Variants in WDR59 observed in about 807,000 individuals in gnomAD.
The protein encoded by WDR59 is WD repeat domain 59.
In WDR59, 100 loss-of-function variants were observed where a neutral mutation model predicts 131.2. The observed-to-expected ratio is 0.76, with a 90% confidence interval of 0.65 to 0.90. The LOEUF (loss-of-function observed/expected upper bound fraction) is 0.90, where lower values mean the gene tolerates loss of function less well. WDR59 is among the 40% of genes least tolerant of loss of function. The pLI is 0.00. For missense variants in WDR59, 1,203 were observed against 1,262.2 expected (o/e 0.95, Z 0.71); for synonymous variants, 601 against 466.2 (o/e 1.29, Z -3.72).
chr16:74,945,393 C>T (rs758417083), intron 6 of WDR59, among the ~76,000 whole-genome samples: 17 of 151,678 alleles, frequency 1.1e-4, no homozygotes, highest in Admixed American at 7.9e-4. Flanking sequence ...AGGAGAATGG[C>T]GAGAACCTGG....
chr16:74,937,298 A>T lies in WDR59; in HGVS notation c.651+852T>A, dbSNP rs564200305. Among the ~76,000 whole-genome samples, 32 of 152,236 alleles carry T rather than the reference A, an allele frequency of 2.1e-4. 1 individual carries two copies. The highest frequency in any genetic ancestry group is 3.8e-4 in the Non-Finnish European group (26 of 68,038). On this transcript the variant is annotated intron_variant, in intron 8 of 25. Transcript: ENST00000262144. The stretch of plus-strand genomic sequence containing the variant: ...TCCTGTAAGTTAGAGAATCACTAAT[A>T]AAATGACTCTATCCCTGAACTGTGA...
chr16:74,976,434 T>C (rs1049633638), intron 1 of WDR59, among the ~76,000 whole-genome samples: 4 of 151,650 alleles, frequency 2.6e-5, no homozygotes, highest in Non-Finnish European at 5.9e-5. Context: ...TTTTTCTTTT[T>C]CTTTTCTTTT....
In WDR59 at chr16:74,946,614, C is replaced by T. The variant is rs138177838; in HGVS notation, c.445+1905G>A. Among the ~76,000 whole-genome samples the T allele has an allele frequency of 1.7e-3, 261 of 152,002 alleles. 1 individual carries two copies. The highest frequency in any genetic ancestry group is 6.1e-3 in the African/African-American group (254 of 41,478). Reference sequence around the variant, plus strand: ...GTGCGCACCTGTAATCCCAGCTACTCGGGAGGCGGAGGTGGGAGAAACGCT... The same window carrying T: ...GTGCGCACCTGTAATCCCAGCTACTTGGGAGGCGGAGGTGGGAGAAACGCT... On this transcript the variant is annotated intron_variant, in intron 6 of 25. Coordinates refer to ENST00000262144, the MANE Select transcript of WDR59 (RefSeq NM_030581.4).
At chr16:74,905,332 GC>G (rs1965747117) in intron 17 of WDR59, among the ~76,000 whole-genome samples, 1 of 150,170 alleles carries the variant, frequency 6.7e-6, no homozygotes, top group African/African-American at 2.5e-5. Flanking sequence ...CTGAGATTGC[GC>G]CATTGCACTC....
chr16:74,924,465 C>G (rs535493803), intron 8 of WDR59, among the ~76,000 whole-genome samples: 1 of 152,004 alleles, frequency 6.6e-6, no homozygotes. Flanking sequence ...AATGTAGAGG[C>G]TATATAAAGA....
intron 8 of WDR59, among the ~76,000 whole-genome samples, chr16:74,924,872 C>T (rs2145016901): frequency 6.6e-6 from 1 of 152,260 alleles, no homozygotes; most frequent in Admixed American, 6.5e-5. Context: ...CCTCCCACCT[C>T]GGCCTCCCAA....
intron 10 of WDR59, 107 bp from the exon 11 acceptor site, chr16:74,918,115 T>A (rs1209858730): frequency 7.6e-6 from 8 of 1,047,236 alleles, no homozygotes; most frequent in Non-Finnish European, 1.0e-5. Context: ...AAACATCTAC[T>A]GAACATTTCT....
In WDR59 at chr16:74,956,535, C is replaced by G; in HGVS notation, c.180G>C (p.Trp60Cys). The part of the protein sequence containing the change: ...GHRKISRQSK[W>C]DIGAVQWNPH... Reference sequence around the variant, plus strand: ...GATTCCACTGCACAGCTCCAATGTCCCATTTGCTCTGGCGAGAGATCTTTC... The same window carrying G: ...GATTCCACTGCACAGCTCCAATGTCGCATTTGCTCTGGCGAGAGATCTTTC... Residue 60 changes from tryptophan to cysteine, a missense_variant, in exon 3 of 26, where the codon TGG (tryptophan) becomes TGC (cysteine). By Grantham distance (215) the Trp-to-Cys change is radical. Coordinates refer to ENST00000262144, the MANE Select transcript of WDR59 (RefSeq NM_030581.4). 1 of 1,614,056 alleles carries G rather than the reference C, an allele frequency of 6.2e-7. No homozygotes were observed. The highest frequency in any genetic ancestry group is 1.1e-5 in the South Asian group (1 of 91,078).
At chr16:74,875,331 G>C (rs1964161736) in intron 25 of WDR59, among the ~76,000 whole-genome samples, 1 of 152,204 alleles carries the variant, frequency 6.6e-6, no homozygotes, top group Admixed American at 6.5e-5. Context: ...GCCATTTCTT[G>C]CTTAAGTCCT....
chr16:74,910,194 C>A (rs1285936697), intron 14 of WDR59, among the ~76,000 whole-genome samples: 3 of 152,090 alleles, frequency 2.0e-5, no homozygotes, highest in African/African-American at 7.2e-5. Flanking sequence ...TCTCGAACTC[C>A]TGACCTCAAG....
At chr16:74,896,154 C>A (rs929260354) in intron 18 of WDR59, among the ~76,000 whole-genome samples, 3 of 152,068 alleles carry the variant, frequency 2.0e-5, no homozygotes, top group African/African-American at 7.2e-5. Context: ...CTAATTTGGT[C>A]TTCTGGATAG....
At chr16:74,934,488 T>C (rs1188249807) in intron 8 of WDR59, among the ~76,000 whole-genome samples, 2 of 152,204 alleles carry the variant, frequency 1.3e-5, no homozygotes, top group Non-Finnish European at 2.9e-5. Flanking sequence ...AAAACGATTA[T>C]ATGTCATTTG....
chr16:74,967,795 G>C (rs1177908371), intron 1 of WDR59, among the ~76,000 whole-genome samples: 2 of 150,354 alleles, frequency 1.3e-5, no homozygotes, highest in Non-Finnish European at 2.9e-5. Flanking sequence ...GGAAGCAGAG[G>C]TTGCAGTGAG....
At chr16:74,903,228 G>A (rs1295020758) in intron 18 of WDR59, among the ~76,000 whole-genome samples, 1 of 152,238 alleles carries the variant, frequency 6.6e-6, no homozygotes, top group Non-Finnish European at 1.5e-5. Flanking sequence ...TAAGGACTGA[G>A]TTTGTGCAGT....
intron 1 of WDR59, among the ~76,000 whole-genome samples, chr16:74,978,254 A>C (rs2145247190): frequency 6.8e-6 from 1 of 147,912 alleles, no homozygotes; most frequent in South Asian, 2.2e-4. Context: ...CTCAGGAGGC[A>C]GAGGTTACGG....
At chr16:74,937,018 T>C (rs542642507) in intron 8 of WDR59, among the ~76,000 whole-genome samples, 1 of 152,310 alleles carries the variant, frequency 6.6e-6, no homozygotes, top group African/African-American at 2.4e-5. Flanking sequence ...TATATGACTA[T>C]ATAAATACAA....
At chr16:74,961,315 A>C (rs1051211042) in intron 2 of WDR59, among the ~76,000 whole-genome samples, 6 of 152,120 alleles carry the variant, frequency 3.9e-5, no homozygotes, top group African/African-American at 9.7e-5. Context: ...CAACAACAAC[A>C]ACAAAAAAAA....
At chr16:74,979,036 CT>C (rs2145251023) in intron 1 of WDR59, 2 of 152,324 alleles carry the variant, frequency 1.3e-5, no homozygotes, top group Admixed American at 1.3e-4. Context: ...GAAAACTAAT[CT>C]CCACACTTCT....
chr16:74,982,375 C>T (rs1642737567), intron 1 of WDR59, among the ~76,000 whole-genome samples: 1 of 152,014 alleles, frequency 6.6e-6, no homozygotes, highest in Admixed American at 6.6e-5. Context: ...AACAGAAACT[C>T]CCACAAGGCA....
Sources: allele counts gnomAD v4.1 joint callset (sites outside exome capture counted in the v4.1 genomes callset), GRCh38; gene constraint gnomAD v4.1.1; transcripts MANE v1.5; gene names NCBI Gene and HGNC (gene_info 2026-07-23, HGNC 2026-07-21).